EHMT1: variants seen among roughly 807,000 people sequenced by gnomAD.
EHMT1 encodes the protein euchromatic histone lysine methyltransferase 1.
A neutral mutation model predicts 147.2 loss-of-function variants in EHMT1; 15 were observed. That is an observed-to-expected ratio of 0.10 (90% CI 0.07 to 0.16). EHMT1 has a LOEUF of 0.16. Ranked by LOEUF, EHMT1 falls within the 10% of genes least tolerant of loss-of-function variation. The probability of loss-of-function intolerance (pLI) is 1.00; values close to 1 mark genes in which losing one functional copy is unlikely to be tolerated. For synonymous variants in EHMT1, 795 were observed against 709.6 expected (o/e 1.12, Z -1.91); for missense variants, 1,587 against 1,772.4 (o/e 0.90, Z 1.88).
intron 26 of EHMT1, 99 bp from the exon 27 acceptor site, chr9:137,834,674 G>C: frequency 1.2e-5 from 20 of 1,601,490 alleles, no homozygotes; most frequent in Non-Finnish European, 1.7e-5. Context: ...CGGCACGGCA[G>C]ATCGGGGTGA....
At chr9:137,736,019 GA>G (rs1055955347) in intron 4 of EHMT1, among the ~76,000 whole-genome samples, 1 of 151,288 alleles carries the variant, frequency 6.6e-6, no homozygotes, top group Non-Finnish European at 1.5e-5. Context: ...TGCATCAAGA[GA>G]AAAAAAACAG....
chr9:137,619,603 A>G (rs1353136537), intron 1 of EHMT1, among the ~76,000 whole-genome samples: 7 of 151,964 alleles, frequency 4.6e-5, no homozygotes, highest in Non-Finnish European at 8.8e-5. Context: ...TCCCCAGACA[A>G]TGCTGCTCCA....
At chr9:137,834,207 A>G in intron 25 of EHMT1, 142 bp from the exon 26 acceptor site, 2 of 1,101,032 alleles carry the variant, frequency 1.8e-6, no homozygotes, top group Non-Finnish European at 2.6e-6. Flanking sequence ...CCGCCGCCAC[A>G]GGTCACTGGA....
chr9:137,710,191 C>T (rs1944576813), intron 1 of EHMT1, among the ~76,000 whole-genome samples: 1 of 151,994 alleles, frequency 6.6e-6, no homozygotes, highest in Admixed American at 6.6e-5. Flanking sequence ...CCAAGTGCCA[C>T]CCAAGTGCAG....
chr9:137,768,690 C>T (rs1198823295), intron 10 of EHMT1, among the ~76,000 whole-genome samples: 1 of 150,102 alleles, frequency 6.7e-6, no homozygotes, highest in Non-Finnish European at 1.5e-5. Context: ...GCTGGGACTA[C>T]AGGCGCCCGC....
chr9:137,747,299 A>G, intron 6 of EHMT1: 1 of 152,268 alleles, frequency 6.6e-6, no homozygotes, highest in Non-Finnish European at 1.5e-5. Context: ...CTGGGATTAT[A>G]GGCACCCACC....
At position 137,813,118 on chromosome 9, in the gene EHMT1, G is replaced by T. The variant is rs779016395; in HGVS notation, c.2980G>T (p.Ala994Ser). 1.9e-6 allele frequency: 3 copies of T among 1,613,114 alleles called. No homozygotes were observed. In the African/African-American group the frequency reaches 4.0e-5, roughly 21 times the overall value. ...GTGGAGCGCTCTGCAGATGAGCAAG[G>T]CTCTGCAGGACTCGGCCCCCGACAG... Reference protein sequence around the residue: ...QVWSALQMSKALQDSAPDRPS... With the variant: ...QVWSALQMSKSLQDSAPDRPS... Residue 994 changes from alanine to serine, a missense_variant, in exon 20 of 27, where the codon GCT (alanine) becomes TCT (serine). Around this residue, in one of 7 missense-constraint regions of EHMT1, gnomAD observed 78 missense variants for 68.9 expected, o/e 1.13. Coordinates refer to ENST00000460843, the MANE Select transcript of EHMT1 (RefSeq NM_024757.5). The surrounding 1 kb of genome is among the most constrained non-coding windows in gnomAD (Gnocchi z 4.9).
chr9:137,757,149 G>C (rs766553426), intron 8 of EHMT1, among the ~76,000 whole-genome samples: 1 of 152,140 alleles, frequency 6.6e-6, no homozygotes. Flanking sequence ...ATCTTTCTCC[G>C]GCCCTCCTGG....
intron 15 of EHMT1, chr9:137,789,376 G>A (rs1368474006): frequency 6.6e-6 from 1 of 152,586 alleles, no homozygotes; most frequent in East Asian, 1.9e-4. Context: ...AGGATTTTTG[G>A]GGTCTGGGGG....
intron 1 of EHMT1, among the ~76,000 whole-genome samples, chr9:137,679,036 C>G (rs1406033944): frequency 1.1e-4 from 17 of 152,206 alleles, no homozygotes; most frequent in Non-Finnish European, 2.9e-5. Context: ...TCACTGTAAT[C>G]TCCGCCTCCC....
rs1050109698 is a variant in EHMT1, at chr9:137,786,460, C to T, written c.2382+4063C>T. 6.6e-6 allele frequency: 1 copy of T among 152,430 alleles called. No individual in the cohort carries two copies. The allele number at this position is 152,430 out of a possible 1,614,324, so 9.4% of individuals were successfully genotyped here. A position where few individuals can be genotyped will look rare whatever the true frequency, so the allele number is the denominator to read the frequency against. On this transcript the variant is annotated intron_variant, in intron 15 of 26. Transcript: ENST00000460843. This position sits in a 1 kb window ranked among gnomAD's most constrained non-coding sequence, Gnocchi z 4.3. ...TTTCAGCATCTGCAGGGGTGTCTCA[C>T]ATCTCACACACACTCTTTGGGCAGG...
intron 22 of EHMT1, 51 bp from the exon 23 acceptor site, chr9:137,815,896 A>G (rs190020613): frequency 6.7e-5 from 98 of 1,459,548 alleles, no homozygotes; most frequent in South Asian, 2.1e-4. Flanking sequence ...TGTCAGTTCA[A>G]TTAAAGAGTG....
intron 10 of EHMT1, among the ~76,000 whole-genome samples, chr9:137,767,374 T>G (rs7034879): frequency 0.33 from 50,637 of 152,190 alleles, 8,721 homozygotes; most frequent in Admixed American, 0.43. Context: ...CAGGTTGATG[T>G]ACCGTATCTA....
chr9:137,796,739 A>G (rs1366566610), intron 16 of EHMT1, among the ~76,000 whole-genome samples: 3 of 150,626 alleles, frequency 2.0e-5, no homozygotes, highest in South Asian at 4.2e-4. Context: ...ACCACACAGA[A>G]AAATAGGCAA....
In EHMT1 at chr9:137,834,531, A is replaced by ACC. The variant is rs765710350; in HGVS notation, c.3716+8_3716+9dup. 6.2e-7 allele frequency: 1 copy of ACC among 1,609,368 alleles called. No individual in the cohort carries two copies. Among genetic ancestry groups the ACC allele is most frequent in the East Asian group, 2.2e-5 (1 of 44,826 alleles). On this transcript the variant is annotated splice_region_variant and intron_variant, in intron 26 of 26. Transcript: ENST00000460843. ...AGGCCGGCGAGCAGCTCGGGTACGC[A>ACC]CCGCCCCGGCCCCTGGCCATCTCCG...
intron 4 of EHMT1, chr9:137,738,514 A>G (rs1043839090): frequency 2.0e-5 from 3 of 152,228 alleles, no homozygotes; most frequent in African/African-American, 7.2e-5. Flanking sequence ...TGGAACTACC[A>G]TGTGATCCAG....
intron 1 of EHMT1, among the ~76,000 whole-genome samples, chr9:137,670,720 T>C (rs895763209): frequency 2.6e-5 from 4 of 152,160 alleles, no homozygotes; most frequent in African/African-American, 9.7e-5. Flanking sequence ...CTGGCTCCAG[T>C]TCCTACGGGC....
At chr9:137,706,299 A>G (rs2135289563) in intron 1 of EHMT1, among the ~76,000 whole-genome samples, 1 of 152,350 alleles carries the variant, frequency 6.6e-6, no homozygotes, top group African/African-American at 2.4e-5. Context: ...TCTGAGTCCA[A>G]GTAGTTTGCT....
chr9:137,826,859 T>C (rs997663787), intron 25 of EHMT1, among the ~76,000 whole-genome samples: 3 of 152,232 alleles, frequency 2.0e-5, no homozygotes, highest in Non-Finnish European at 4.4e-5. Context: ...GCCATTTCCA[T>C]ATTCCCAGTT....
Sources: gnomAD v4.1 joint callset for allele counts (sites outside exome capture counted in the v4.1 genomes callset) on GRCh38, gnomAD v4.1.1 for gene constraint, gnomAD v4.1.1 regional missense constraint, Gnocchi (gnomAD v3.1) non-coding constraint, MANE v1.5 for transcripts, NCBI Gene and HGNC (gene_info 2026-07-23, HGNC 2026-07-21) for gene names.